TASP1: variants seen among roughly 807,000 people sequenced by gnomAD.
TASP1 encodes taspase 1.
In TASP1, 16 loss-of-function variants were observed where a neutral mutation model predicts 56.6. That is an observed-to-expected ratio of 0.28 (90% CI 0.19 to 0.43). The LOEUF (loss-of-function observed/expected upper bound fraction) is 0.43, where lower values mean the gene tolerates loss of function less well. TASP1 is among the 20% of genes least tolerant of loss of function. TASP1 has a pLI of 1.00. For synonymous variants in TASP1, 179 were observed against 184.2 expected, an observed-to-expected ratio of 0.97 and a Z score of 0.23; for missense variants, 393 against 511.6, an observed-to-expected ratio of 0.77 and a Z score of 2.24.
the TASP1 span, chr20:13,164,649 A>C: frequency 2.3e-5 from 19 of 824,852 alleles, no homozygotes; most frequent in Non-Finnish European, 3.7e-5. Flanking sequence ...GAAGCTAGCA[A>C]ACTAAGACTG....
intron 12 of TASP1, among the ~76,000 whole-genome samples, chr20:13,426,427 G>C (rs113822379): frequency 7.9e-5 from 12 of 152,088 alleles, no homozygotes; most frequent in African/African-American, 2.9e-4. Flanking sequence ...AACTTTGTGA[G>C]CCAAAAAATA....
At chr20:13,364,723 C>A in the TASP1 span, among the ~76,000 whole-genome samples, 5 of 151,884 alleles carry the variant, frequency 3.3e-5, no homozygotes, top group African/African-American at 7.3e-5. Flanking sequence ...GAAAAGAGAA[C>A]TTGAAGTGAC....
At chr20:13,572,366 T>C (rs950700829) in intron 6 of TASP1, among the ~76,000 whole-genome samples, 1 of 152,166 alleles carries the variant, frequency 6.6e-6, no homozygotes, top group African/African-American at 2.4e-5. Flanking sequence ...AACACTCTAC[T>C]GAAACCACCA....
chr20:13,263,175 C>G, the TASP1 span, among the ~76,000 whole-genome samples: 19 of 152,220 alleles, frequency 1.2e-4, no homozygotes, highest in Non-Finnish European at 2.4e-4. Flanking sequence ...GACATTTGCT[C>G]TGTTCCTGCT....
chr20:13,379,029 A>C, the TASP1 span, among the ~76,000 whole-genome samples: 1 of 152,000 alleles, frequency 6.6e-6, no homozygotes, highest in Non-Finnish European at 1.5e-5. Context: ...TCTTTATCCA[A>C]TTTGCCTCTC....
chr20:13,487,582 G>A (rs2043372354), intron 10 of TASP1, among the ~76,000 whole-genome samples: 1 of 152,022 alleles, frequency 6.6e-6, no homozygotes, highest in Non-Finnish European at 1.5e-5. Flanking sequence ...CTGTTGCTGA[G>A]AATTCAGCAT....
intron 6 of TASP1, among the ~76,000 whole-genome samples, chr20:13,573,506 C>T (rs1336394501): frequency 6.6e-6 from 1 of 152,178 alleles, no homozygotes; most frequent in Non-Finnish European, 1.5e-5. Context: ...CTAGAGTTCA[C>T]TGTCTAAATG....
Position 13,569,558 on chromosome 20 carries a change from A to C in TASP1, c.517T>G (p.Trp173Gly). 1.2e-6 allele frequency: 2 copies of C among 1,612,616 alleles called. No individual in the cohort carries two copies. Among genetic ancestry groups the C allele is most frequent in the Non-Finnish European group, 1.7e-6 (2 of 1,179,470 alleles). The change falls in exon 7 of 14, where the codon TGG becomes GGG. Residue 173 changes from tryptophan to glycine, a missense_variant. Physicochemically the swap from Trp to Gly is radical, Grantham distance 184. This residue lies in a region of TASP1 where 293 missense variants were observed against 354.2 expected (regional missense o/e 0.83). Coordinates refer to ENST00000337743, the MANE Select transcript of TASP1 (RefSeq NM_017714.3). ...GAGGGTATTCCATGATCTACTGCCC[A>C]TCTGTAGGCTCCTTCTCCAACTAAA... Reference protein sequence around the residue: ...CFLVGEGAYRWAVDHGIPSCP... With the variant: ...CFLVGEGAYRGAVDHGIPSCP...
the TASP1 span, among the ~76,000 whole-genome samples, chr20:13,220,938 C>A: frequency 6.6e-6 from 1 of 152,318 alleles, no homozygotes; most frequent in African/African-American, 2.4e-5. Context: ...CTACCCGCGC[C>A]CGTCACAGCG....
chr20:13,599,220 C>A (rs1298074753), intron 4 of TASP1, among the ~76,000 whole-genome samples: 1 of 152,190 alleles, frequency 6.6e-6, no homozygotes, highest in Non-Finnish European at 1.5e-5. Context: ...TATAAAGACA[C>A]ATGCACACAT....
chr20:13,362,879 TTTATAAC>T, the TASP1 span, among the ~76,000 whole-genome samples: 1 of 146,540 alleles, frequency 6.8e-6, no homozygotes, highest in South Asian at 2.2e-4. Flanking sequence ...TCCTAAAACC[TTTATAAC>T]TTCCTGAGAG....
At chr20:13,532,569 C>T (rs1280743651) in intron 9 of TASP1, among the ~76,000 whole-genome samples, 1 of 152,188 alleles carries the variant, frequency 6.6e-6, no homozygotes, top group Non-Finnish European at 1.5e-5. Flanking sequence ...CACAAACTAG[C>T]CAAGTGAGGC....
the TASP1 span, among the ~76,000 whole-genome samples, chr20:13,365,770 A>G: frequency 4.6e-5 from 7 of 152,198 alleles, no homozygotes; most frequent in African/African-American, 1.7e-4. Flanking sequence ...CTGAATGGAA[A>G]ACCACTGGAA....
At chr20:13,561,318 CT>C (rs2046336303) in intron 7 of TASP1, among the ~76,000 whole-genome samples, 1 of 152,068 alleles carries the variant, frequency 6.6e-6, no homozygotes, top group African/African-American at 2.4e-5. Context: ...GCTAGTCTTA[CT>C]GTAATTTTGG....
chr20:13,413,514 T>C (rs984950430), intron 13 of TASP1, among the ~76,000 whole-genome samples: 1 of 152,140 alleles, frequency 6.6e-6, no homozygotes, highest in Admixed American at 6.6e-5. Context: ...GCAAAATATT[T>C]GTAATGGGAT....
chr20:13,305,077 A>G, the TASP1 span, among the ~76,000 whole-genome samples: 1 of 152,050 alleles, frequency 6.6e-6, no homozygotes, highest in Admixed American at 6.6e-5. Context: ...TTTGAATAGC[A>G]CTTATTTCAT....
chr20:13,206,801 A>C, the TASP1 span, among the ~76,000 whole-genome samples: 1 of 152,158 alleles, frequency 6.6e-6, no homozygotes, highest in African/African-American at 2.4e-5. Context: ...CGGCCATATG[A>C]CCCCACCGGG....
At chr20:13,433,046 T>C (rs1198020580) in intron 12 of TASP1, among the ~76,000 whole-genome samples, 2 of 152,182 alleles carry the variant, frequency 1.3e-5, no homozygotes, top group Non-Finnish European at 2.9e-5. Context: ...TACATAGGTA[T>C]ACACGTGCCA....
the TASP1 span, among the ~76,000 whole-genome samples, chr20:13,220,444 G>A: frequency 6.6e-6 from 1 of 152,242 alleles, no homozygotes; most frequent in Non-Finnish European, 1.5e-5. Context: ...GGTGGCCCGG[G>A]ATCGACAGCT....
Sources: allele counts gnomAD v4.1 joint callset (sites outside exome capture counted in the v4.1 genomes callset), GRCh38; gene constraint gnomAD v4.1.1; regional missense constraint gnomAD v4.1.1; transcripts MANE v1.5; gene names NCBI Gene and HGNC (gene_info 2026-07-23, HGNC 2026-07-21).